SPRED1: variants seen among roughly 807,000 people sequenced by gnomAD.
The protein encoded by SPRED1 is sprouty-related, EVH1 domain-containing protein 1.
Under a neutral mutation model 52.3 loss-of-function variants are expected in SPRED1, and 18 were observed. The observed-to-expected ratio is 0.34, with a 90% confidence interval of 0.24 to 0.51. The LOEUF is 0.51. SPRED1 is among the 20% of genes least tolerant of loss of function. The probability of loss-of-function intolerance (pLI) is 0.97; values close to 1 mark genes in which losing one functional copy is unlikely to be tolerated. For synonymous variants in SPRED1, 155 were observed against 179.7 expected (o/e 0.86, Z 1.10); for missense variants, 485 against 551.0 (o/e 0.88, Z 1.20).
intron 2 of SPRED1, among the ~76,000 whole-genome samples, chr15:38,321,041 TG>T: frequency 6.6e-6 from 1 of 152,322 alleles, no homozygotes; most frequent in African/African-American, 2.4e-5. Flanking sequence ...AGTTCTGTGT[TG>T]GTTTTAAATT....
At chr15:38,285,316 G>A (rs1425083753) in intron 1 of SPRED1, among the ~76,000 whole-genome samples, 1 of 152,218 alleles carries the variant, frequency 6.6e-6, no homozygotes, top group Non-Finnish European at 1.5e-5. Flanking sequence ...GATCACAGAA[G>A]ATAACAATGA....
At chr15:38,262,846 C>T (rs1894231430) in intron 1 of SPRED1, among the ~76,000 whole-genome samples, 1 of 152,218 alleles carries the variant, frequency 6.6e-6, no homozygotes, top group Non-Finnish European at 1.5e-5. Flanking sequence ...GTTCTTTGAG[C>T]TACCTTCCCT....
intron 2 of SPRED1, among the ~76,000 whole-genome samples, chr15:38,317,699 A>C (rs1895516918): frequency 6.6e-6 from 1 of 151,924 alleles, no homozygotes; most frequent in Non-Finnish European, 1.5e-5. Context: ...AATTTTAAGA[A>C]TCCTCTAGCC....
chr15:38,263,603 A>G (rs1167404416), intron 1 of SPRED1, among the ~76,000 whole-genome samples: 1 of 152,198 alleles, frequency 6.6e-6, no homozygotes, highest in East Asian at 1.9e-4. Context: ...AAAGCGTTAG[A>G]TATCACAGAA....
chr15:38,300,065 A>T (rs1895122210), intron 2 of SPRED1, among the ~76,000 whole-genome samples: 1 of 152,128 alleles, frequency 6.6e-6, no homozygotes, highest in African/African-American at 2.4e-5. Flanking sequence ...TCCCTTATTA[A>T]TTCCCTTATT....
chr15:38,283,591 T>C (rs1694923857), intron 1 of SPRED1: 2 of 687,452 alleles, frequency 2.9e-6, no homozygotes, highest in Admixed American at 1.3e-4. Context: ...AAAATATAAT[T>C]GATGGAGAAT....
intron 1 of SPRED1, among the ~76,000 whole-genome samples, chr15:38,294,337 G>GTGGT (rs1466953178): frequency 1.3e-5 from 2 of 152,088 alleles, no homozygotes; most frequent in African/African-American, 4.8e-5. Context: ...CCTCAATTTG[G>GTGGT]TGGTTGGTGG....
At chr15:38,297,626 G>T (rs1895065657) in intron 1 of SPRED1, among the ~76,000 whole-genome samples, 1 of 152,044 alleles carries the variant, frequency 6.6e-6, no homozygotes, top group East Asian at 1.9e-4. Context: ...TCTATATAAA[G>T]AATTATTTTG....
intron 2 of SPRED1, among the ~76,000 whole-genome samples, chr15:38,318,767 A>G (rs1895541114): frequency 6.6e-6 from 1 of 152,186 alleles, no homozygotes; most frequent in South Asian, 2.1e-4. Flanking sequence ...ACATGATTTC[A>G]TTCTTCTGTA....
intron 3 of SPRED1, among the ~76,000 whole-genome samples, chr15:38,324,087 T>A (rs1196396515): frequency 6.6e-6 from 1 of 152,168 alleles, no homozygotes; most frequent in East Asian, 1.9e-4. Context: ...GACAAAAAGA[T>A]AAAATATGCT....
chr15:38,320,559 G>A (rs1895581263), intron 2 of SPRED1, among the ~76,000 whole-genome samples: 1 of 152,052 alleles, frequency 6.6e-6, no homozygotes, highest in Non-Finnish European at 1.5e-5. Flanking sequence ...ACTACTACTA[G>A]TAATATCTGA....
rs1298349053 is a variant in SPRED1, at chr15:38,336,426, A to ATGTG, written c.424-3310_424-3309insGTGT. Among the ~76,000 whole-genome samples, 9 of 138,474 alleles carry ATGTG rather than the reference A, an allele frequency of 6.5e-5. No homozygotes were observed. The Admixed American group carries it at 6.7e-4, about 10-fold the overall frequency. 90.8% of individuals were successfully genotyped at this position (138,474 alleles called of 152,430 possible). A position where few individuals can be genotyped will look rare whatever the true frequency, so the allele number is the denominator to read the frequency against. ...TGTGTGTATGTGTATGTGTGTGTAT[A>ATGTG]TATATATATAATATTATATATATGT... is the stretch of plus-strand genomic sequence containing the variant. On this transcript the variant is annotated intron_variant, in intron 4 of 6. Transcript: ENST00000299084.
rs1030623884 is a variant in SPRED1 at position 38,354,851 on chromosome 15, C to T, written c.*3187C>T. On this transcript the variant is annotated 3_prime_UTR_variant, in exon 7 of 7. Coordinates refer to ENST00000299084, the MANE Select transcript of SPRED1 (RefSeq NM_152594.3). ...TTACCAAAATGGTATTTTTTTCCTCCTTCCGCCAGTCAGGGAGAATTTTTA... is the reference window on the plus strand; with the variant it reads ...TTACCAAAATGGTATTTTTTTCCTCTTTCCGCCAGTCAGGGAGAATTTTTA... 6.6e-6 allele frequency: 1 copy of T among 152,096 alleles called. No homozygotes were observed. Among genetic ancestry groups the T allele is most frequent in the Non-Finnish European group, 1.5e-5 (1 of 68,010 alleles). The allele number at this position is 152,096 out of a possible 1,614,324, so 9.4% of individuals were successfully genotyped here. A position where few individuals can be genotyped will look rare whatever the true frequency, so the allele number is the denominator to read the frequency against.
At chr15:38,307,117 A>G (rs949744179) in intron 2 of SPRED1, among the ~76,000 whole-genome samples, 3 of 152,196 alleles carry the variant, frequency 2.0e-5, no homozygotes, top group African/African-American at 4.8e-5. Flanking sequence ...ATTATCGACC[A>G]TACTTATTAG....
intron 5 of SPRED1, among the ~76,000 whole-genome samples, chr15:38,348,847 C>T (rs765485533): frequency 1.3e-5 from 2 of 151,982 alleles, no homozygotes; most frequent in East Asian, 1.9e-4. Context: ...CTTTGCAATT[C>T]GAAACACTTG....
intron 5 of SPRED1, among the ~76,000 whole-genome samples, chr15:38,340,426 T>C (rs1896004250): frequency 2.6e-5 from 4 of 152,242 alleles, no homozygotes; most frequent in South Asian, 2.1e-4. Context: ...TACATACATA[T>C]ATGTATACAT....
At chr15:38,295,699 G>T (rs1459138423) in intron 1 of SPRED1, among the ~76,000 whole-genome samples, 1 of 152,114 alleles carries the variant, frequency 6.6e-6, no homozygotes, top group Admixed American at 6.6e-5. Flanking sequence ...ATAGGGGATA[G>T]ATAGAATTTT....
chr15:38,321,140 G>C (rs1412124928), intron 2 of SPRED1, among the ~76,000 whole-genome samples: 3 of 152,120 alleles, frequency 2.0e-5, no homozygotes, highest in Admixed American at 6.5e-5. Context: ...AAGAGCAGTA[G>C]AACATAATAT....
chr15:38,309,340 C>A (rs1441091307), intron 2 of SPRED1, among the ~76,000 whole-genome samples: 1 of 152,178 alleles, frequency 6.6e-6, no homozygotes, highest in East Asian at 1.9e-4. Context: ...GGGGTTTCAC[C>A]ATGTTGGCCA....
Sources: gnomAD v4.1 joint callset for allele counts (sites outside exome capture counted in the v4.1 genomes callset) on GRCh38, gnomAD v4.1.1 for gene constraint, MANE v1.5 for transcripts, NCBI Gene and HGNC (gene_info 2026-07-23, HGNC 2026-07-21) for gene names.